The following SORCS3 variants were observed in gnomAD, a reference collection of about 807,000 sequenced individuals.
SORCS3 encodes sortilin related VPS10 domain containing receptor 3.
In SORCS3, 57 loss-of-function variants were observed where a neutral mutation model predicts 146.3. The observed-to-expected ratio is 0.39, with a 90% CI of 0.31 to 0.49. The LOEUF (loss-of-function observed/expected upper bound fraction) is 0.49. SORCS3 is among the 20% of genes least tolerant of loss of function. The probability of loss-of-function intolerance (pLI) is 0.92; values close to 1 mark genes in which losing one functional copy is unlikely to be tolerated. For missense variants in SORCS3, 1,341 were observed against 1,575.5 expected (o/e 0.85, Z 2.52); for synonymous variants, 653 against 618.5 (o/e 1.06, Z -0.83).
intron 4 of SORCS3, among the ~76,000 whole-genome samples, chr10:104,991,095 G>T (rs73351645): frequency 0.053 from 8,125 of 152,212 alleles, 249 homozygotes; most frequent in Middle Eastern, 0.082. Flanking sequence ...CTGACCCAGA[G>T]ACGGTGCATC....
At chr10:105,156,231 G>A (rs2119493214) in intron 9 of SORCS3, among the ~76,000 whole-genome samples, 1 of 152,296 alleles carries the variant, frequency 6.6e-6, no homozygotes, top group Admixed American at 6.5e-5. Context: ...TTTGCTATTT[G>A]CCTTTGAAAC....
intron 1 of SORCS3, among the ~76,000 whole-genome samples, chr10:104,712,362 A>G (rs12258337): frequency 0.044 from 6,729 of 152,286 alleles, 143 homozygotes; most frequent in Admixed American, 0.053. Flanking sequence ...TAATTAGTCT[A>G]TTTAACGATT....
At chr10:105,231,731 G>A (rs972913576) in intron 20 of SORCS3, among the ~76,000 whole-genome samples, 6 of 152,040 alleles carry the variant, frequency 3.9e-5, no homozygotes, top group Admixed American at 6.6e-5. Context: ...ATGGGTGTTG[G>A]ATTGTGTTAA....
intron 4 of SORCS3, among the ~76,000 whole-genome samples, chr10:105,038,758 T>C: frequency 6.6e-6 from 1 of 152,202 alleles, no homozygotes. Flanking sequence ...AATAAATGCA[T>C]GTTTTATAAC....
intron 1 of SORCS3, among the ~76,000 whole-genome samples, chr10:104,740,226 G>A (rs2016825485): frequency 6.6e-6 from 1 of 152,194 alleles, no homozygotes; most frequent in Non-Finnish European, 1.5e-5. Flanking sequence ...AAATCTGCCT[G>A]TACTGTGTAG....
intron 1 of SORCS3, among the ~76,000 whole-genome samples, chr10:104,670,089 G>A (rs1260636674): frequency 1.3e-5 from 2 of 151,982 alleles, no homozygotes; most frequent in African/African-American, 4.8e-5. Context: ...TTGTTGTTGA[G>A]TTTTGGGAGT....
In SORCS3 at chr10:105,245,596, G is replaced by T; in HGVS notation, c.2923G>T (p.Asp975Tyr). ...CTTCACATTCCTTGCAGAAGGAACCGACACCATCACAGTCCAGGTGGCTGC... is the reference window on the plus strand; with the variant it reads ...CTTCACATTCCTTGCAGAAGGAACCTACACCATCACAGTCCAGGTGGCTGC... ...ISFTFLAEGT[D>Y]TITVQVAAGN... The change falls in exon 21 of 27, where the codon GAC becomes TAC. Residue 975 changes from aspartate to tyrosine, a missense_variant. By Grantham distance (160) the Asp-to-Tyr change is radical. Transcript: ENST00000369701. 6.2e-7 allele frequency: 1 copy of T among 1,614,078 alleles called. No individual in the cohort carries two copies. Among genetic ancestry groups the T allele is most frequent in the South Asian group, 1.1e-5 (1 of 91,066 alleles).
chr10:104,894,547 C>A (rs1368785788), intron 2 of SORCS3, among the ~76,000 whole-genome samples: 1 of 152,188 alleles, frequency 6.6e-6, no homozygotes, highest in African/African-American at 2.4e-5. Flanking sequence ...GGAATATAAG[C>A]TAGGGGAGTC....
At chr10:105,180,471 T>G (rs1172842598) in intron 14 of SORCS3, among the ~76,000 whole-genome samples, 4 of 152,148 alleles carry the variant, frequency 2.6e-5, no homozygotes, top group Non-Finnish European at 4.4e-5. Flanking sequence ...CAAACAAAGG[T>G]AAGAACCATG....
At chr10:104,942,211 C>G (rs1392603254) in intron 3 of SORCS3, among the ~76,000 whole-genome samples, 1 of 152,128 alleles carries the variant, frequency 6.6e-6, no homozygotes, top group East Asian at 1.9e-4. Context: ...CCCAGGACTT[C>G]TAGGAGTCAA....
intron 2 of SORCS3, among the ~76,000 whole-genome samples, chr10:104,848,595 C>A (rs1266758193): frequency 6.6e-6 from 1 of 152,128 alleles, no homozygotes; most frequent in Non-Finnish European, 1.5e-5. Context: ...AGCCTTCCAC[C>A]CCATTCGCTA....
At chr10:105,105,772 AG>A (rs1424744696) in intron 7 of SORCS3, among the ~76,000 whole-genome samples, 2 of 152,204 alleles carry the variant, frequency 1.3e-5, no homozygotes, top group African/African-American at 4.8e-5. Flanking sequence ...CTGGGTTTGA[AG>A]TAACTTAGTC....
intron 3 of SORCS3, among the ~76,000 whole-genome samples, chr10:104,950,447 G>A (rs977331794): frequency 2.0e-5 from 3 of 152,164 alleles, no homozygotes; most frequent in South Asian, 4.1e-4. Context: ...AATTCATAGG[G>A]TCCATGGGAA....
At chr10:104,736,370 C>G (rs568333350) in intron 1 of SORCS3, among the ~76,000 whole-genome samples, 75 of 152,308 alleles carry the variant, frequency 4.9e-4, no homozygotes, top group Admixed American at 2.4e-3. Flanking sequence ...TTTCTCCTTA[C>G]TGTTCCACTG....
At chr10:104,936,473 T>C (rs2019261460) in intron 3 of SORCS3, among the ~76,000 whole-genome samples, 1 of 152,052 alleles carries the variant, frequency 6.6e-6, no homozygotes, top group Non-Finnish European at 1.5e-5. Context: ...GCTGGGTAAA[T>C]GAATGAGAGC....
intron 4 of SORCS3, among the ~76,000 whole-genome samples, chr10:104,993,733 C>A (rs1179205491): frequency 6.6e-6 from 1 of 152,148 alleles, no homozygotes; most frequent in African/African-American, 2.4e-5. Flanking sequence ...TATAATCTGC[C>A]TACCCTTAGG....
At chr10:104,867,301 A>C (rs941316091) in intron 2 of SORCS3, among the ~76,000 whole-genome samples, 1 of 149,902 alleles carries the variant, frequency 6.7e-6, no homozygotes, top group Non-Finnish European at 1.5e-5. Context: ...TGAAATTCCC[A>C]GTGTACAATT....
chr10:104,864,656 A>G (rs1185774780), intron 2 of SORCS3, among the ~76,000 whole-genome samples: 1 of 152,154 alleles, frequency 6.6e-6, no homozygotes, highest in Non-Finnish European at 1.5e-5. Flanking sequence ...ACATGCTTGG[A>G]CCTATTAAAC....
rs7084199 is a variant in SORCS3, at chr10:105,187,613, G to A, written c.2009+9440G>A. 2.3e-3 allele frequency among the ~76,000 whole-genome samples: 344 copies of A among 152,278 alleles called. 3 individuals are homozygous for A. Among genetic ancestry groups the A allele is most frequent in the African/African-American group, 7.9e-3 (327 of 41,554 alleles). On this transcript the variant is annotated intron_variant, in intron 14 of 26. Transcript: ENST00000369701. The stretch of plus-strand genomic sequence containing the variant: ...TTCATGGAGGGAGGGAAAGGAGGAG[G>A]GCTTTTGGAGGCAGAGGAAAAAGGA...
Sources: gnomAD v4.1 joint callset for allele counts (sites outside exome capture counted in the v4.1 genomes callset) on GRCh38, gnomAD v4.1.1 for gene constraint, MANE v1.5 for transcripts, NCBI Gene and HGNC (gene_info 2026-07-23, HGNC 2026-07-21) for gene names.